The following BCL7A variants were observed in gnomAD, a reference collection of about 807,000 sequenced individuals.
BCL7A encodes the protein B-cell CLL/lymphoma 7 protein family member A.
In BCL7A, 11 loss-of-function variants were observed where a neutral mutation model predicts 28.4. That is an observed-to-expected ratio of 0.39 (90% CI 0.24 to 0.64). The LOEUF is 0.64. BCL7A is among the 30% of genes least tolerant of loss of function. The pLI is 0.50. For synonymous variants in BCL7A, 123 were observed against 103.3 expected (o/e 1.19, Z -1.15); for missense variants, 222 against 274.8 (o/e 0.81, Z 1.36).
chr12:122,049,017 TAAA>T (rs60471036), intron 4 of BCL7A, among the ~76,000 whole-genome samples: 1,951 of 90,342 alleles, frequency 0.022, 27 homozygotes, highest in East Asian at 0.043. Flanking sequence ...GTGAAACGTG[TAAA>T]AAAAAAAAAA....
chr12:122,042,278 A>G (rs957162399), intron 3 of BCL7A, among the ~76,000 whole-genome samples: 2 of 152,212 alleles, frequency 1.3e-5, no homozygotes, highest in African/African-American at 4.8e-5. Flanking sequence ...CTTGATTTTC[A>G]TGAACACGGT....
chr12:122,037,673 G>A (rs1883883035), intron 3 of BCL7A, among the ~76,000 whole-genome samples: 1 of 152,082 alleles, frequency 6.6e-6, no homozygotes, highest in Admixed American at 6.6e-5. Context: ...AACAATGGGT[G>A]CGGTGGCTCA....
intron 1 of BCL7A, among the ~76,000 whole-genome samples, chr12:122,024,430 G>A (rs1261910887): frequency 6.6e-6 from 1 of 151,148 alleles, no homozygotes; most frequent in East Asian, 2.0e-4. Flanking sequence ...TTGTAAGGTG[G>A]ACTTTGTAGA....
At chr12:122,050,233 A>T (rs1456770325) in intron 4 of BCL7A, among the ~76,000 whole-genome samples, 6 of 151,656 alleles carry the variant, frequency 4.0e-5, no homozygotes, top group African/African-American at 1.5e-4. Flanking sequence ...CACCCGCCTC[A>T]GCCTCCAAAG....
intron 4 of BCL7A, among the ~76,000 whole-genome samples, chr12:122,046,229 C>T (rs773757819): frequency 1.4e-4 from 22 of 152,058 alleles, no homozygotes; most frequent in African/African-American, 4.3e-4. Context: ...GACCTGAGGG[C>T]AACTCTGGGC....
chr12:122,050,854 G>A (rs1438826682), intron 4 of BCL7A, among the ~76,000 whole-genome samples: 3 of 152,224 alleles, frequency 2.0e-5, no homozygotes, highest in South Asian at 2.1e-4. Flanking sequence ...CGAAGGGGGC[G>A]AGAACGCCAG....
At chr12:122,035,682 C>A (rs1322357398) in intron 3 of BCL7A, among the ~76,000 whole-genome samples, 1 of 152,212 alleles carries the variant, frequency 6.6e-6, no homozygotes, top group African/African-American at 2.4e-5. Flanking sequence ...CACCCAGGGA[C>A]AAGAACCCCG....
intron 4 of BCL7A, among the ~76,000 whole-genome samples, chr12:122,049,490 T>G (rs1884148178): frequency 6.6e-6 from 1 of 152,036 alleles, no homozygotes; most frequent in Non-Finnish European, 1.5e-5. Flanking sequence ...GAGACCAGCC[T>G]GGCCAACATA....
At position 122,059,605 on chromosome 12, in the gene BCL7A, T is replaced by C; in HGVS notation, c.*442T>C. The C allele has an allele frequency of 8.4e-6, 2 of 237,840 alleles. No homozygotes were observed. Among genetic ancestry groups the C allele is most frequent in the Non-Finnish European group, 1.7e-5 (2 of 121,072 alleles). 14.7% of individuals were successfully genotyped at this position (237,840 alleles called of 1,614,324 possible). On this transcript the variant is annotated 3_prime_UTR_variant, in exon 6 of 6. Transcript: ENST00000261822. The surrounding 1 kb of genome is among the most constrained non-coding windows in gnomAD (Gnocchi z 4.0). The stretch of plus-strand genomic sequence containing the variant: ...TGTGCCTTGTGCCCTTGAGGTGACC[T>C]CTGGCATGTATCCTGGTGGTTCTTA...
chr12:122,042,077 TAA>T (rs1038252089), intron 3 of BCL7A, among the ~76,000 whole-genome samples: 2 of 151,628 alleles, frequency 1.3e-5, no homozygotes, highest in Non-Finnish European at 2.9e-5. Flanking sequence ...CTCAAAAAAA[TAA>T]ATAGAGTGAC....
chr12:122,037,098 C>T (rs1013674698), intron 3 of BCL7A, among the ~76,000 whole-genome samples: 9 of 152,222 alleles, frequency 5.9e-5, no homozygotes, highest in East Asian at 1.9e-4. Context: ...CTGGCAGCCC[C>T]GTGGCTGTGT....
chr12:122,055,051 T>C, intron 5 of BCL7A, 125 bp downstream of exon 5: 2 of 1,568,754 alleles, frequency 1.3e-6, no homozygotes, highest in Non-Finnish European at 1.7e-6. Context: ...ATTGGAACTG[T>C]CATTTGTCCA....
chr12:122,051,843 A>C (rs1374583790), intron 4 of BCL7A, among the ~76,000 whole-genome samples: 1 of 151,470 alleles, frequency 6.6e-6, no homozygotes, highest in Non-Finnish European at 1.5e-5. Context: ...AGAGTATAAC[A>C]ATAACATGAT....
intron 5 of BCL7A, among the ~76,000 whole-genome samples, chr12:122,055,840 A>G (rs1200870737): frequency 1.3e-5 from 2 of 152,134 alleles, no homozygotes; most frequent in African/African-American, 4.8e-5. Context: ...CTGGTCTCAA[A>G]TTCCTGACCT....
intron 4 of BCL7A, among the ~76,000 whole-genome samples, chr12:122,051,282 C>T (rs1032215000): frequency 3.9e-5 from 6 of 152,142 alleles, no homozygotes; most frequent in African/African-American, 7.2e-5. Flanking sequence ...GCCTGCTGCC[C>T]GAGCTGCCCG....
chr12:122,047,934 G>A (rs1434665331), intron 4 of BCL7A, among the ~76,000 whole-genome samples: 3 of 111,406 alleles, frequency 2.7e-5, no homozygotes, highest in Admixed American at 1.1e-4. Flanking sequence ...ACGGAGTTTC[G>A]CTCTTGTTGC....
chr12:122,022,774 T>A (rs1883496641), intron 1 of BCL7A, among the ~76,000 whole-genome samples: 1 of 151,236 alleles, frequency 6.6e-6, no homozygotes, highest in African/African-American at 2.4e-5. Flanking sequence ...GCGAGCCGTT[T>A]AAATTTAGCG....
chr12:122,026,116 A>T (rs1883624219), intron 1 of BCL7A, among the ~76,000 whole-genome samples: 1 of 151,680 alleles, frequency 6.6e-6, no homozygotes, highest in Middle Eastern at 3.4e-3. Context: ...AAATACAAAA[A>T]ATTAGCCGGG....
At chr12:122,023,648 T>G (rs1261283708) in intron 1 of BCL7A, among the ~76,000 whole-genome samples, 2 of 152,246 alleles carry the variant, frequency 1.3e-5, no homozygotes, top group Middle Eastern at 3.4e-3. Context: ...AGGGGAGGCT[T>G]TCCAAAGTTG....
Sources: allele counts gnomAD v4.1 joint callset (sites outside exome capture counted in the v4.1 genomes callset), GRCh38; gene constraint gnomAD v4.1.1; non-coding constraint Gnocchi (gnomAD v3.1); transcripts MANE v1.5; gene names NCBI Gene and HGNC (gene_info 2026-07-23, HGNC 2026-07-21).